Variants in HS3ST4 observed in about 807,000 individuals in gnomAD.
The protein encoded by HS3ST4 is heparan sulfate-glucosamine 3-sulfotransferase 4, also known as heparan sulfate glucosamine 3-O-sulfotransferase 4.
Under a neutral mutation model 29.2 loss-of-function variants are expected in HS3ST4, and 17 were observed. The ratio of observed to expected loss-of-function variants is 0.58; its 90% CI spans 0.40 to 0.87. The LOEUF (loss-of-function observed/expected upper bound fraction) is 0.87. Among genes scored for constraint, HS3ST4 ranks in the 40% least tolerant of loss-of-function variants. HS3ST4 has a pLI of 0.00. For missense variants in HS3ST4, 627 were observed against 634.5 expected, an observed-to-expected ratio of 0.99 and a Z score of 0.13; for synonymous variants, 314 against 285.7, an observed-to-expected ratio of 1.10 and a Z score of -1.00.
At chr16:25,855,030 T>C (rs1374661592) in intron 1 of HS3ST4, among the ~76,000 whole-genome samples, 2 of 152,220 alleles carry the variant, frequency 1.3e-5, no homozygotes, top group Non-Finnish European at 2.9e-5. Flanking sequence ...TCAATACATG[T>C]AAGGTACACA....
At chr16:25,707,810 C>A (rs1018220281) in intron 1 of HS3ST4, among the ~76,000 whole-genome samples, 1 of 152,246 alleles carries the variant, frequency 6.6e-6, no homozygotes, top group African/African-American at 2.4e-5. Flanking sequence ...CCACCACTTA[C>A]AATGTTTCTT....
chr16:26,032,883 T>C, intron 1 of HS3ST4: 1 of 1,389,514 alleles, frequency 7.2e-7, no homozygotes, highest in Middle Eastern at 1.8e-4. Context: ...CTTTGGTCGG[T>C]CTGGGGGTCG....
At chr16:25,850,285 GC>G (rs1967505281) in intron 1 of HS3ST4, among the ~76,000 whole-genome samples, 1 of 152,098 alleles carries the variant, frequency 6.6e-6, no homozygotes, top group African/African-American at 2.4e-5. Flanking sequence ...ACTGTGCCCG[GC>G]CCCTATTTTT....
At chr16:25,739,560 G>C (rs984955487) in intron 1 of HS3ST4, among the ~76,000 whole-genome samples, 2 of 152,180 alleles carry the variant, frequency 1.3e-5, no homozygotes, top group African/African-American at 4.8e-5. Flanking sequence ...TGGTTAGCTG[G>C]CTGTCATCAT....
intron 1 of HS3ST4, among the ~76,000 whole-genome samples, chr16:25,899,322 T>C (rs1376258508): frequency 2.6e-5 from 4 of 152,162 alleles, no homozygotes; most frequent in Non-Finnish European, 2.9e-5. Flanking sequence ...AGGGAGACAT[T>C]ATTAGGTGGC....
chr16:26,059,500 C>T lies in HS3ST4; in HGVS notation c.735-76112C>T, dbSNP rs556481792. On this transcript the variant is annotated intron_variant, in intron 1 of 1. Transcript: ENST00000331351. ...CTACTTATACTGGAAAAATAGGCAT[C>T]GTACAAAAACTTGGGTGAGAAAACC... Among the ~76,000 whole-genome samples, 8 of 152,240 alleles carry T rather than the reference C, an allele frequency of 5.3e-5. No homozygotes were observed. In the South Asian group the frequency reaches 1.7e-3, roughly 32 times the overall value.
chr16:25,751,579 T>C (rs950718466), intron 1 of HS3ST4, among the ~76,000 whole-genome samples: 1 of 152,206 alleles, frequency 6.6e-6, no homozygotes, highest in African/African-American at 2.4e-5. Context: ...TTTCAGGAGT[T>C]TGAAATGTCA....
At chr16:26,033,034 G>C (rs1777301277) in intron 1 of HS3ST4, among the ~76,000 whole-genome samples, 1 of 152,094 alleles carries the variant, frequency 6.6e-6, no homozygotes, top group Non-Finnish European at 1.5e-5. Flanking sequence ...GTATATACGA[G>C]GTGGGACCCA....
At chr16:25,694,743 C>G (rs1966281118) in intron 1 of HS3ST4, among the ~76,000 whole-genome samples, 1 of 149,824 alleles carries the variant, frequency 6.7e-6, no homozygotes, top group Non-Finnish European at 1.5e-5. Context: ...TGTGGAGTAG[C>G]TTTGGCCTTA....
intron 1 of HS3ST4, among the ~76,000 whole-genome samples, chr16:25,922,331 GA>G (rs1968362138): frequency 6.6e-6 from 1 of 152,190 alleles, no homozygotes; most frequent in South Asian, 2.1e-4. Flanking sequence ...AGAGTCCCCA[GA>G]AAGCTGCCTT....
chr16:26,136,258 G>A lies in HS3ST4; in HGVS notation c.*10G>A, dbSNP rs1596694760. The stretch of plus-strand genomic sequence containing the variant: ...AGAGGGTGATAAATGAGGCTAGAGA[G>A]GCAGAGGAAGGCTAGTCAATAAGCT... On this transcript the variant is annotated 3_prime_UTR_variant, in exon 2 of 2. Coordinates refer to ENST00000331351, the MANE Select transcript of HS3ST4 (RefSeq NM_006040.3). The A allele has an allele frequency of 5.0e-6, 8 of 1,603,428 alleles. No homozygotes were observed. The highest frequency in any genetic ancestry group is 6.8e-6 in the Non-Finnish European group (8 of 1,176,030).
At chr16:25,906,121 T>A (rs1968177082) in intron 1 of HS3ST4, among the ~76,000 whole-genome samples, 1 of 152,200 alleles carries the variant, frequency 6.6e-6, no homozygotes. Context: ...ATAAATAGAA[T>A]CTTGAAGCCT....
At chr16:26,121,745 A>G (rs1899279517) in intron 1 of HS3ST4, among the ~76,000 whole-genome samples, 1 of 152,208 alleles carries the variant, frequency 6.6e-6, no homozygotes, top group Admixed American at 6.5e-5. Flanking sequence ...TGAGACCTCC[A>G]TAATCATCAT....
chr16:25,880,002 C>T (rs1490790144), intron 1 of HS3ST4, among the ~76,000 whole-genome samples: 1 of 152,122 alleles, frequency 6.6e-6, no homozygotes, highest in Non-Finnish European at 1.5e-5. Context: ...TCAATTATCT[C>T]CACCTGGCCC....
intron 1 of HS3ST4, among the ~76,000 whole-genome samples, chr16:25,731,393 TGCAGTGGCAC>T (rs1966569087): frequency 1.3e-5 from 2 of 152,170 alleles, no homozygotes; most frequent in African/African-American, 4.8e-5. Context: ...CAGGCTGGAG[TGCAGTGGCAC>T]AATTACGGTT....
At chr16:26,087,013 C>T (rs575053226) in intron 1 of HS3ST4, among the ~76,000 whole-genome samples, 3 of 152,324 alleles carry the variant, frequency 2.0e-5, no homozygotes, top group African/African-American at 7.2e-5. Context: ...CAGACCACCT[C>T]GTTGTTCAGG....
chr16:25,692,994 G>C lies in HS3ST4; in HGVS notation c.577G>C (p.Gly193Arg), dbSNP rs780179798. 6.2e-7 allele frequency: 1 copy of C among 1,611,548 alleles called. No individual in the cohort carries two copies. Among genetic ancestry groups the C allele is most frequent in the Admixed American group, 1.7e-5 (1 of 59,888 alleles). ...CGGCGCCGTCAGCACCCCCGACTAT[G>C]GGGAGAAGAAGCTGCCACAGGCGCT... ...RGGAVSTPDY[G>R]EKKLPQALII... Residue 193 changes from glycine (G) to arginine (R), a missense_variant, in exon 1 of 2, where the codon GGG becomes CGG. Transcript: ENST00000331351.
At chr16:26,061,252 A>G (rs149988646) in intron 1 of HS3ST4, among the ~76,000 whole-genome samples, 5 of 152,360 alleles carry the variant, frequency 3.3e-5, no homozygotes, top group African/African-American at 1.2e-4. Context: ...GCCATCTCAA[A>G]AAGCACTAAT....
intron 1 of HS3ST4, among the ~76,000 whole-genome samples, chr16:25,727,611 A>G (rs1380828994): frequency 1.3e-5 from 2 of 152,202 alleles, no homozygotes; most frequent in Admixed American, 6.5e-5. Context: ...TCTAACAGAC[A>G]CTTGGAAAGA....
Sources: allele counts gnomAD v4.1 joint callset (sites outside exome capture counted in the v4.1 genomes callset), GRCh38; gene constraint gnomAD v4.1.1; transcripts MANE v1.5; gene names NCBI Gene and HGNC (gene_info 2026-07-23, HGNC 2026-07-21).